The following HENMT1 variants were observed in gnomAD, a reference collection of about 807,000 sequenced individuals.
HENMT1 encodes the protein small RNA 2'-O-methyltransferase.
HENMT1 carries 27 observed loss-of-function variants against 31.1 expected under a neutral mutation model. The ratio of observed to expected loss-of-function variants is 0.87; its 90% CI spans 0.64 to 1.20. The LOEUF (loss-of-function observed/expected upper bound fraction) is 1.20, where lower values mean the gene tolerates loss of function less well. Ranked by LOEUF, HENMT1 falls within the 50% of genes most tolerant of loss-of-function variation. The pLI, the probability that HENMT1 is intolerant of heterozygous loss-of-function variation, is 0.00. For synonymous variants in HENMT1, 167 were observed against 172.2 expected (o/e 0.97, Z 0.24); for missense variants, 438 against 469.6 (o/e 0.93, Z 0.62).
At chr1:108,655,848 T>TACACACACACACACAC (rs61122468) in intron 3 of HENMT1, 150 bp from the exon 4 acceptor site, 18 of 234,036 alleles carry the variant, frequency 7.7e-5, no homozygotes, top group African/African-American at 3.0e-4. Context: ...CAGAAGATGC[T>TACACACACACACACAC]ACACACACAC....
At chr1:108,660,200 C>A (rs1237139974) in intron 1 of HENMT1, among the ~76,000 whole-genome samples, 8 of 150,988 alleles carry the variant, frequency 5.3e-5, no homozygotes, top group Non-Finnish European at 1.2e-4. Flanking sequence ...TTCACAATAG[C>A]CAATCTGTGG....
Position 108,650,258 on chromosome 1 carries a change from T to C in HENMT1, c.709A>G (p.Thr237Ala), listed in dbSNP as rs1658010009. 2 of 1,614,186 alleles carry C rather than the reference T, an allele frequency of 1.2e-6. No homozygotes were observed. The highest frequency in any genetic ancestry group is 1.7e-6 in the Non-Finnish European group (2 of 1,180,000). ...TGCTGCTCTGAAAGACATGATTCTG[T>C]TGCCTTTCCTCCATTTTTCCGGAAG... ...GIFRKNGGKA[T>A]ESCLSEQHDQ... The change falls in exon 7 of 8, where the codon ACA becomes GCA. Residue 237 changes from threonine to alanine, a missense_variant. Coordinates refer to ENST00000651461, the MANE Select transcript of HENMT1 (RefSeq NM_001102592.2).
chr1:108,657,639 T>G, intron 2 of HENMT1, 60 bp from the exon 3 acceptor site: 2 of 1,468,462 alleles, frequency 1.4e-6, no homozygotes, highest in South Asian at 1.3e-5. Flanking sequence ...AGAAATTAAA[T>G]AAGGGGCAAA....
chr1:108,658,135 T>A (rs189558043), intron 2 of HENMT1, among the ~76,000 whole-genome samples: 6,027 of 135,110 alleles, frequency 0.045, 181 homozygotes, highest in African/African-American at 0.075. Context: ...ATATATATAT[T>A]TTTTTTTTCC....
At position 108,648,931 on chromosome 1, in the gene HENMT1, TA is replaced by T; in HGVS notation, c.816del (p.Asn273MetfsTer10). 1 of 1,613,612 alleles carries T rather than the reference TA, an allele frequency of 6.2e-7. No homozygotes were observed. Among genetic ancestry groups the T allele is most frequent in the Non-Finnish European group, 8.5e-7 (1 of 1,179,618 alleles). Reference sequence around the variant, plus strand: ...CTTTCCACTTGTTGGGACACCTCATTAACCAACACAAGTTTAAAGAACCTTT... The same window carrying T: ...CTTTCCACTTGTTGGGACACCTCATTACCAACACAAGTTTAAAGAACCTTT... ...QQERFFKLVLVNEVSQQVESL... is the reference protein window; with the variant it reads ...QQERFFKLVLXNEVSQQVESL... On this transcript the variant is annotated frameshift_variant, in exon 8 of 8. Coordinates refer to ENST00000651461, the MANE Select transcript of HENMT1 (RefSeq NM_001102592.2). LOFTEE classifies it low-confidence loss of function (END_TRUNC).
chr1:108,655,620 C>T lies in HENMT1; in HGVS notation c.229G>A (p.Val77Ile), dbSNP rs962263036. The part of the protein sequence containing the change: ...VNPCIELLVG[V>I]DINEDKLRWR... ...CGTAATTTATCCTCATTAATATCTA[C>T]TCCAACAAGCAATTCAATGCATGGA... Residue 77 changes from valine (V) to isoleucine (I), a missense_variant, in exon 4 of 8, where the codon GTA (valine) becomes ATA (isoleucine). Physicochemically the swap from Val to Ile is conservative, Grantham distance 29. Coordinates refer to ENST00000651461, the MANE Select transcript of HENMT1 (RefSeq NM_001102592.2). 12 of 1,610,938 alleles carry T rather than the reference C, an allele frequency of 7.4e-6. No homozygotes were observed. Among genetic ancestry groups the T allele is most frequent in the Non-Finnish European group, 9.3e-6 (11 of 1,178,306 alleles).
chr1:108,649,045 A>C (rs1657966232), intron 7 of HENMT1, 54 bp from the exon 8 acceptor site: 1 of 1,417,324 alleles, frequency 7.1e-7, no homozygotes, highest in Admixed American at 2.5e-5. Context: ...AACATACATA[A>C]ATTTTCAAAG....
At position 108,648,926 on chromosome 1, in the gene HENMT1, C is replaced by T; in HGVS notation, c.822G>A (p.Glu274=). Residue 274 remains glutamate (E), a synonymous_variant, in exon 8 of 8, where the codon GAG becomes GAA. Coordinates refer to ENST00000651461, the MANE Select transcript of HENMT1 (RefSeq NM_001102592.2). ...TTAAGCTTTCCACTTGTTGGGACAC[C>T]TCATTAACCAACACAAGTTTAAAGA... ...ERFFKLVLVN[E]VSQQVESLRV... The T allele has an allele frequency of 6.2e-7, 1 of 1,613,768 alleles. No homozygotes were observed. The highest frequency in any genetic ancestry group is 8.5e-7 in the Non-Finnish European group (1 of 1,179,768).
At chr1:108,650,452 C>T (rs1658018329) in intron 6 of HENMT1, 64 bp from the exon 7 acceptor site, 9 of 1,395,900 alleles carry the variant, frequency 6.4e-6, no homozygotes, top group Non-Finnish European at 8.9e-6. Flanking sequence ...AATAAGGAAC[C>T]ATTTCTGGTC....
Position 108,655,679 on chromosome 1 carries a change from C to G in HENMT1, c.170G>C (p.Gly57Ala). Residue 57 changes from glycine to alanine, a missense_variant, in exon 4 of 8, where the codon GGT (glycine) becomes GCT (alanine). Physicochemically the swap from Gly to Ala is moderately conservative, Grantham distance 60. Transcript: ENST00000651461. ...EPKKVADLGCGDTSLLRLLKV... is the reference protein window; with the variant it reads ...EPKKVADLGCADTSLLRLLKV... ...TAGCAGCCTTAAGAGTGAAGTATCA[C>G]CACATCCCAGGTCTGCAACCTGTAG... 6.2e-7 allele frequency: 1 copy of G among 1,610,476 alleles called. No homozygotes were observed. The highest frequency in any genetic ancestry group is 8.5e-7 in the Non-Finnish European group (1 of 1,177,972).
intron 3 of HENMT1, among the ~76,000 whole-genome samples, chr1:108,656,959 G>A (rs577130393): frequency 3.8e-4 from 58 of 152,204 alleles, no homozygotes; most frequent in African/African-American, 1.3e-3. Context: ...TCTGCTAAAG[G>A]AATCCACCTG....
At position 108,657,595 on chromosome 1, in the gene HENMT1, A is replaced by C; in HGVS notation, c.22-16T>G. 1 of 1,606,868 alleles carries C rather than the reference A, an allele frequency of 6.2e-7. No homozygotes were observed. The highest frequency in any genetic ancestry group is 8.5e-7 in the Non-Finnish European group (1 of 1,177,828). ...CACTACTGCACTGAAGTTCACAAAC[A>C]AAAAAAGACAGGTTCTAAATCATGC... On this transcript the variant is annotated splice_polypyrimidine_tract_variant and intron_variant, in intron 2 of 7. Transcript: ENST00000651461.
At chr1:108,654,027 A>G (rs1224930458) in intron 5 of HENMT1, among the ~76,000 whole-genome samples, 1 of 152,190 alleles carries the variant, frequency 6.6e-6, no homozygotes, top group Non-Finnish European at 1.5e-5. Context: ...TAGGTCTGCA[A>G]TTAACTCGTT....
intron 2 of HENMT1, among the ~76,000 whole-genome samples, chr1:108,659,248 T>C (rs1172325804): frequency 1.3e-5 from 2 of 151,996 alleles, no homozygotes; most frequent in Non-Finnish European, 2.9e-5. Context: ...TAATCAAATA[T>C]CCAATTTTAA....
At chr1:108,654,041 C>G (rs1658139972) in intron 5 of HENMT1, among the ~76,000 whole-genome samples, 1 of 152,298 alleles carries the variant, frequency 6.6e-6, no homozygotes, top group African/African-American at 2.4e-5. Flanking sequence ...ACTCGTTAAT[C>G]CATCTTGAGT....
intron 4 of HENMT1, 55 bp from the exon 5 acceptor site, chr1:108,654,905 A>G: frequency 1.3e-6 from 2 of 1,557,612 alleles, no homozygotes; most frequent in Non-Finnish European, 1.8e-6. Context: ...AAAAATTCTC[A>G]CCAGCTACAG....
At chr1:108,649,099 G>C in intron 7 of HENMT1, 108 bp from the exon 8 acceptor site, 2 of 801,096 alleles carry the variant, frequency 2.5e-6, no homozygotes, top group Non-Finnish European at 3.9e-6. Flanking sequence ...TGTACATATT[G>C]AATATATGTC....
rs1453267613 is a variant in HENMT1, at chr1:108,648,810, C to T, written c.938G>A (p.Cys313Tyr). The T allele has an allele frequency of 6.2e-7, 1 of 1,614,214 alleles. No individual in the cohort carries two copies. Residue 313 changes from cysteine to tyrosine, a missense_variant, in exon 8 of 8, where the codon TGC becomes TAC. Cys to Tyr is a radical substitution (Grantham distance 194). Coordinates refer to ENST00000651461, the MANE Select transcript of HENMT1 (RefSeq NM_001102592.2). ...AACCTCTGTGAAGACTGGTCCAAAGCATGGGACAGGGGCCTTTGAGCCACC... is the reference window on the plus strand; with the variant it reads ...AACCTCTGTGAAGACTGGTCCAAAGTATGGGACAGGGGCCTTTGAGCCACC... Reference protein sequence around the residue: ...DIGGSKAPVPCFGPVFTEVEK... With the variant: ...DIGGSKAPVPYFGPVFTEVEK...
chr1:108,650,800 C>A (rs1658029794), intron 6 of HENMT1, among the ~76,000 whole-genome samples: 2 of 152,206 alleles, frequency 1.3e-5, no homozygotes, highest in South Asian at 4.1e-4. Context: ...CATGCCAGTA[C>A]TACAGATGCC....
Sources: gnomAD v4.1 joint callset for allele counts (sites outside exome capture counted in the v4.1 genomes callset) on GRCh38, gnomAD v4.1.1 for gene constraint, MANE v1.5 for transcripts, NCBI Gene and HGNC (gene_info 2026-07-23, HGNC 2026-07-21) for gene names.